Variants in SCAMP2 observed in about 807,000 individuals in gnomAD.
The protein encoded by SCAMP2 is secretory carrier-associated membrane protein 2.
In SCAMP2, 25 loss-of-function variants were observed where a neutral mutation model predicts 44.1. That is an observed-to-expected ratio of 0.57 (90% CI 0.41 to 0.79). SCAMP2 has a LOEUF of 0.79. Ranked by LOEUF, SCAMP2 falls within the 30% of genes least tolerant of loss-of-function variation. The pLI, the probability that SCAMP2 is intolerant of heterozygous loss-of-function variation, is 0.00. For missense variants in SCAMP2, 355 were observed against 411.0 expected (o/e 0.86, Z 1.18); for synonymous variants, 156 against 166.0 (o/e 0.94, Z 0.46).
chr15:74,845,074 AGAG>A lies in SCAMP2; in HGVS notation c.*6_*8del, dbSNP rs1348307954. On this transcript the variant is annotated 3_prime_UTR_variant, in exon 9 of 9. Transcript: ENST00000268099. ...AGAGAAAGGCTGAGGGGGAGAGAAGAGAGGAGGACTAATTCCCCTGGAAGGCTC... is the reference window on the plus strand; with the variant it reads ...AGAGAAAGGCTGAGGGGGAGAGAAGAGAGGACTAATTCCCCTGGAAGGCTC... 1.9e-6 allele frequency: 3 copies of A among 1,611,136 alleles called. No individual in the cohort carries two copies. Among genetic ancestry groups the A allele is most frequent in the Non-Finnish European group, 1.7e-6 (2 of 1,177,872 alleles).
intron 1 of SCAMP2, among the ~76,000 whole-genome samples, chr15:74,858,680 C>T (rs531132536): frequency 1.3e-5 from 2 of 151,812 alleles, no homozygotes; most frequent in African/African-American, 2.4e-5. Context: ...AAGCCTGGTA[C>T]GGAGCCTGAC....
At position 74,862,525 on chromosome 15, in the gene SCAMP2, G is replaced by A. The variant is rs183090209; in HGVS notation, c.58-7876C>T. ...CAGGAGGCAGAGGCTGCAGTGAGCCGAGATCACACCACTGCACTCCAGTCT... is the reference window on the plus strand; with the variant it reads ...CAGGAGGCAGAGGCTGCAGTGAGCCAAGATCACACCACTGCACTCCAGTCT... On this transcript the variant is annotated intron_variant, in intron 1 of 8. Coordinates refer to ENST00000268099, the MANE Select transcript of SCAMP2 (RefSeq NM_005697.5). 4.3e-4 allele frequency among the ~76,000 whole-genome samples: 65 copies of A among 151,606 alleles called. No individual in the cohort carries two copies. In the East Asian group the frequency reaches 8.0e-3, roughly 19 times the overall value.
At chr15:74,851,272 G>A in intron 5 of SCAMP2, 81 bp downstream of exon 5, 2 of 1,504,526 alleles carry the variant, frequency 1.3e-6, no homozygotes, top group Non-Finnish European at 1.8e-6. Flanking sequence ...GTATACCAGG[G>A]AGGAGCAGCC....
chr15:74,854,301 C>G (rs1244927463), intron 2 of SCAMP2, among the ~76,000 whole-genome samples, 182 bp from the exon 3 acceptor site: 1 of 152,256 alleles, frequency 6.6e-6, no homozygotes, highest in African/African-American at 2.4e-5. Context: ...CATCTGATCC[C>G]TAACCCGGCA....
At chr15:74,850,914 G>C (rs964057877) in intron 5 of SCAMP2, among the ~76,000 whole-genome samples, 2 of 152,166 alleles carry the variant, frequency 1.3e-5, no homozygotes, top group African/African-American at 4.8e-5. Flanking sequence ...TGAGGGGTGT[G>C]GAGGGAGGAT....
chr15:74,862,821 CA>C (rs71434242), intron 1 of SCAMP2, among the ~76,000 whole-genome samples: 79 of 26,342 alleles, frequency 3.0e-3, no homozygotes, highest in African/African-American at 9.1e-3. Context: ...GACTCCATCT[CA>C]AAAAAAAAAA....
intron 1 of SCAMP2, chr15:74,872,837 A>G (rs1375145071): frequency 3.5e-5 from 8 of 225,374 alleles, no homozygotes. Flanking sequence ...GACTCAAGAC[A>G]GGTGTCTATC....
At position 74,844,975 on chromosome 15, in the gene SCAMP2, C is replaced by G. The variant is rs1416702715; in HGVS notation, c.*108G>C. 7.6e-7 allele frequency: 1 copy of G among 1,314,820 alleles called. No homozygotes were observed. The highest frequency in any genetic ancestry group is 2.3e-5 in the Admixed American group (1 of 43,930). The allele number at this position is 1,314,820 out of a possible 1,614,324, so 81.4% of individuals were successfully genotyped here. ...GAGGAGGAAGAGCCACGGCAAGAAC[C>G]CTGCCAGGTCTGTGCTGGGCACAAC... On this transcript the variant is annotated 3_prime_UTR_variant, in exon 9 of 9. Coordinates refer to ENST00000268099, the MANE Select transcript of SCAMP2 (RefSeq NM_005697.5).
At chr15:74,855,420 A>T (rs2141174922) in intron 1 of SCAMP2, among the ~76,000 whole-genome samples, 1 of 152,116 alleles carries the variant, frequency 6.6e-6, no homozygotes, top group South Asian at 2.1e-4. Context: ...TATTTTGTAA[A>T]AGACAGTCTA....
At chr15:74,857,274 T>C (rs1763800498) in intron 1 of SCAMP2, among the ~76,000 whole-genome samples, 1 of 152,186 alleles carries the variant, frequency 6.6e-6, no homozygotes, top group African/African-American at 2.4e-5. Flanking sequence ...TCTGCCCTGA[T>C]GGCTCCTGCA....
At chr15:74,854,193 A>ACTCATCCTGCTGT in intron 2 of SCAMP2, 74 bp from the exon 3 acceptor site, 1 of 1,312,152 alleles carries the variant, frequency 7.6e-7, no homozygotes, top group Non-Finnish European at 1.1e-6. Flanking sequence ...AACCCACAGC[A>ACTCATCCTGCTGT]GGATGAGTGA....
rs150247528 is a variant in SCAMP2 at position 74,853,525 on chromosome 15, C to T, written c.225+496G>A. On this transcript the variant is annotated intron_variant, in intron 3 of 8. Coordinates refer to ENST00000268099, the MANE Select transcript of SCAMP2 (RefSeq NM_005697.5). ...CAACACACAACTCCACCATGGGTCA[C>T]GCTCATAGGGGCAGCGAGGGGTGCA... The T allele has an allele frequency of 3.8e-5, 17 of 452,446 alleles. 1 individual carries two copies. The highest frequency in any genetic ancestry group is 2.8e-4 in the East Asian group (4 of 14,266). The allele number at this position is 452,446 out of a possible 1,614,324, so 28.0% of individuals were successfully genotyped here. A position where few individuals can be genotyped will look rare whatever the true frequency, so the allele number is the denominator to read the frequency against.
At chr15:74,849,469 C>T (rs2064421066) in intron 6 of SCAMP2, among the ~76,000 whole-genome samples, 1 of 151,298 alleles carries the variant, frequency 6.6e-6, no homozygotes. Context: ...ACAGGCTGGG[C>T]ACGGTGGTTC....
chr15:74,869,333 T>TA (rs1226901025), intron 1 of SCAMP2, among the ~76,000 whole-genome samples: 1 of 151,204 alleles, frequency 6.6e-6, no homozygotes, highest in African/African-American at 2.4e-5. Context: ...TAATAAAAAA[T>TA]AAAAAAATTA....
At chr15:74,854,694 G>C (rs761460684) in intron 1 of SCAMP2, 45 bp from the exon 2 acceptor site, 3 of 1,542,038 alleles carry the variant, frequency 1.9e-6, no homozygotes, top group Non-Finnish European at 2.6e-6. Flanking sequence ...GAGAAAATCC[G>C]GGCCAGGGGC....
chr15:74,861,625 A>G (rs952024502), intron 1 of SCAMP2, among the ~76,000 whole-genome samples: 2 of 152,168 alleles, frequency 1.3e-5, no homozygotes, highest in East Asian at 1.9e-4. Flanking sequence ...CTGGTCGGGC[A>G]TGGTGGCTCA....
In SCAMP2 at chr15:74,845,200, T is replaced by A; in HGVS notation, c.873A>T (p.Arg291=). Residue 291 remains arginine (R), a synonymous_variant, in exon 9 of 9, where the codon CGA becomes CGT. Transcript: ENST00000268099. The part of the protein sequence containing the change: ...FLLQRVHSLY[R]RTGASFQQAQ... ...CCTGCTGGAAGCTGGCCCCTGTCCGTCGGTAGAGGGAGTGCACCTGGCGAA... is the reference window on the plus strand; with the variant it reads ...CCTGCTGGAAGCTGGCCCCTGTCCGACGGTAGAGGGAGTGCACCTGGCGAA... The A allele has an allele frequency of 1.2e-6, 2 of 1,613,178 alleles. No individual in the cohort carries two copies. The highest frequency in any genetic ancestry group is 1.7e-6 in the Non-Finnish European group (2 of 1,179,956).
chr15:74,860,317 A>G (rs915109999), intron 1 of SCAMP2, among the ~76,000 whole-genome samples: 4 of 152,194 alleles, frequency 2.6e-5, no homozygotes, highest in Non-Finnish European at 5.9e-5. Flanking sequence ...TGGGAGGCCA[A>G]GGCAGGAGGA....
intron 1 of SCAMP2, among the ~76,000 whole-genome samples, chr15:74,864,264 T>G (rs2064527624): frequency 6.6e-6 from 1 of 152,170 alleles, no homozygotes; most frequent in Non-Finnish European, 1.5e-5. Flanking sequence ...GGTTTCACCG[T>G]GTTAGCCAGG....
Sources: allele counts gnomAD v4.1 joint callset (sites outside exome capture counted in the v4.1 genomes callset), GRCh38; gene constraint gnomAD v4.1.1; transcripts MANE v1.5; gene names NCBI Gene and HGNC (gene_info 2026-07-23, HGNC 2026-07-21).